The following PPM1A variants were observed in gnomAD, a reference collection of about 807,000 sequenced individuals.
The protein encoded by PPM1A is protein phosphatase, Mg2+/Mn2+ dependent 1A, also known as protein phosphatase 1A.
In PPM1A, 7 loss-of-function variants were observed where a neutral mutation model predicts 35.0. That is an observed-to-expected ratio of 0.20 (90% CI 0.11 to 0.38). The LOEUF is 0.38. PPM1A is among the 10% of genes least tolerant of loss of function. PPM1A has a pLI of 1.00. For synonymous variants in PPM1A, 153 were observed against 167.3 expected (o/e 0.91, Z 0.66); for missense variants, 239 against 467.8 (o/e 0.51, Z 4.51).
chr14:60,292,367 A>G lies in PPM1A; in HGVS notation c.1120-86A>G, dbSNP rs372815265. The stretch of plus-strand genomic sequence containing the variant: ...CTAAAAGTCATCTTTACAGAACATT[A>G]TCTTTCTCCATTATCCAGAAAGTAT... On this transcript the variant is annotated intron_variant, in intron 5 of 5. Coordinates refer to ENST00000395076, the MANE Select transcript of PPM1A (RefSeq NM_021003.5). This position sits in a 1 kb window ranked among gnomAD's most constrained non-coding sequence, Gnocchi z 4.2. 4 of 998,418 alleles carry G rather than the reference A, an allele frequency of 4.0e-6. No individual in the cohort carries two copies. Among genetic ancestry groups the G allele is most frequent in the Middle Eastern group, 2.1e-4 (1 of 4,780 alleles). 61.8% of individuals were successfully genotyped at this position (998,418 alleles called of 1,614,324 possible).
intron 1 of PPM1A, among the ~76,000 whole-genome samples, chr14:60,263,595 G>A (rs145321091): frequency 1.6e-4 from 25 of 152,054 alleles, no homozygotes; most frequent in Non-Finnish European, 2.6e-4. Context: ...GTGGAGGTTG[G>A]GCTTCTAGTG....
chr14:60,263,025 C>T (rs1461720205), intron 1 of PPM1A, among the ~76,000 whole-genome samples: 13 of 152,120 alleles, frequency 8.5e-5, no homozygotes, highest in East Asian at 3.9e-4. Context: ...AAGACCAGCC[C>T]GGCCAACATG....
At chr14:60,252,336 C>T (rs1882527344) in intron 1 of PPM1A, among the ~76,000 whole-genome samples, 1 of 152,152 alleles carries the variant, frequency 6.6e-6, no homozygotes, top group African/African-American at 2.4e-5. Flanking sequence ...TTTTGATGAT[C>T]CTCTCAAATG....
chr14:60,280,588 G>A (rs1886295820), intron 1 of PPM1A, among the ~76,000 whole-genome samples: 2 of 152,044 alleles, frequency 1.3e-5, no homozygotes. Flanking sequence ...TCTTTCCTCT[G>A]TAAAACTTCA....
chr14:60,255,590 G>A (rs2139343958), intron 1 of PPM1A, among the ~76,000 whole-genome samples: 1 of 152,332 alleles, frequency 6.6e-6, no homozygotes, highest in South Asian at 2.1e-4. Context: ...GTGCTTTATG[G>A]ATAGTAGACA....
chr14:60,282,612 T>A lies in PPM1A; in HGVS notation c.-20-72T>A. 2 of 1,522,040 alleles carry A rather than the reference T, an allele frequency of 1.3e-6. No homozygotes were observed. Among genetic ancestry groups the A allele is most frequent in the Non-Finnish European group, 1.8e-6 (2 of 1,127,974 alleles). The allele number at this position is 1,522,040 out of a possible 1,614,324, so 94.3% of individuals were successfully genotyped here. On this transcript the variant is annotated intron_variant, in intron 1 of 5. Transcript: ENST00000395076. This position sits in a 1 kb window ranked among gnomAD's most constrained non-coding sequence, Gnocchi z 5.1. ...AATTCCCGCATATCTCTTTCACTTA[T>A]TAAAAAGATTGTTTGGTACATATTT...
chr14:60,293,835 T>C lies in PPM1A; in HGVS notation c.*1353T>C, dbSNP rs1233572792. ...ATAACTTTCAAAGCTTAAGGAATTG[T>C]AGATATAAAAATAACCTAATTTAAT... On this transcript the variant is annotated 3_prime_UTR_variant, in exon 6 of 6. Transcript: ENST00000395076. This position sits in a 1 kb window ranked among gnomAD's most constrained non-coding sequence, Gnocchi z 4.0. 2.0e-5 allele frequency: 3 copies of C among 152,004 alleles called. No individual in the cohort carries two copies. The highest frequency in any genetic ancestry group is 7.2e-5 in the African/African-American group (3 of 41,430). The allele number at this position is 152,004 out of a possible 1,614,324, so 9.4% of individuals were successfully genotyped here.
chr14:60,250,520 T>C (rs1882258983), intron 1 of PPM1A: 1 of 746,106 alleles, frequency 1.3e-6, no homozygotes, highest in Non-Finnish European at 1.6e-6. Context: ...ATGGTACAAA[T>C]CCACAAAAGT....
Position 60,273,404 on chromosome 14 carries a change from C to T in PPM1A, c.-20-9280C>T, listed in dbSNP as rs974162199. On this transcript the variant is annotated intron_variant, in intron 1 of 5. Coordinates refer to ENST00000395076, the MANE Select transcript of PPM1A (RefSeq NM_021003.5). The surrounding 1 kb of genome is among the most constrained non-coding windows in gnomAD (Gnocchi z 4.3). ...GAGTACTAGGTACTGTAAGAAAACC[C>T]TTGTGGTTGGAGTAGAGAATGTAGG... is the stretch of plus-strand genomic sequence containing the variant. Among the ~76,000 whole-genome samples, 2 of 151,994 alleles carry T rather than the reference C, an allele frequency of 1.3e-5. No homozygotes were observed. The highest frequency in any genetic ancestry group is 2.4e-5 in the African/African-American group (1 of 41,358).
chr14:60,249,060 G>A (rs941685577), upstream of PPM1A, among the ~76,000 whole-genome samples: 1 of 151,922 alleles, frequency 6.6e-6, no homozygotes, highest in Admixed American at 6.5e-5. This position sits in a 1 kb window ranked among gnomAD's most constrained non-coding sequence, Gnocchi z 4.5. Context: ...CCCCTCCCCC[G>A]CCCGCCAGCC....
At position 60,263,579 on chromosome 14, in the gene PPM1A, A is replaced by T. The variant is rs1028068050; in HGVS notation, c.-21+13902A>T. 2.6e-5 allele frequency among the ~76,000 whole-genome samples: 4 copies of T among 152,158 alleles called. No individual in the cohort carries two copies. In the East Asian group the frequency reaches 7.7e-4, roughly 29 times the overall value. Reference sequence around the variant, plus strand: ...TGCTTGTTACATGGATATAGCATGTATAATGGTGGAGGTTGGGCTTCTAGT... The same window carrying T: ...TGCTTGTTACATGGATATAGCATGTTTAATGGTGGAGGTTGGGCTTCTAGT... On this transcript the variant is annotated intron_variant, in intron 1 of 5. Coordinates refer to ENST00000395076, the MANE Select transcript of PPM1A (RefSeq NM_021003.5).
chr14:60,278,700 A>G (rs1886047772), intron 1 of PPM1A, among the ~76,000 whole-genome samples: 1 of 152,222 alleles, frequency 6.6e-6, no homozygotes, highest in Non-Finnish European at 1.5e-5. Context: ...CCACTATTCT[A>G]AAGTTTGTCT....
intron 1 of PPM1A, among the ~76,000 whole-genome samples, chr14:60,262,147 CA>C (rs1883814867): frequency 1.3e-5 from 2 of 151,772 alleles, no homozygotes; most frequent in South Asian, 4.2e-4. Flanking sequence ...TAGTAGAAAC[CA>C]AGTTTACAAA....
intron 3 of PPM1A, chr14:60,286,542 T>A (rs1887033309): frequency 1.0e-6 from 1 of 985,148 alleles, no homozygotes; most frequent in Non-Finnish European, 1.2e-6. Flanking sequence ...AAAAAAATTT[T>A]AAAAATAGCG....
At position 60,249,383 on chromosome 14, in the gene PPM1A, G is replaced by T; in HGVS notation, c.-315G>T. ...GGGGGGGGTGGGGGGACTCTAGACA[G>T]CTGAGGCGCGAAAGCGATGAGTCCT... On this transcript the variant is annotated 5_prime_UTR_variant, in exon 1 of 6. Transcript: ENST00000395076. This position sits in a 1 kb window ranked among gnomAD's most constrained non-coding sequence, Gnocchi z 4.5. 1.0e-6 allele frequency: 1 copy of T among 984,536 alleles called. No homozygotes were observed. Among genetic ancestry groups the T allele is most frequent in the Non-Finnish European group, 1.2e-6 (1 of 829,644 alleles). The allele number at this position is 984,536 out of a possible 1,614,324, so 61.0% of individuals were successfully genotyped here.
chr14:60,296,773 G>A lies in PPM1A; in HGVS notation c.*4291G>A, dbSNP rs75933037. ...TCAGAATAATAAGTCTCAGTTAAATGTTTGTTATTACTGATAGTCAAAATG... is the reference window on the plus strand; with the variant it reads ...TCAGAATAATAAGTCTCAGTTAAATATTTGTTATTACTGATAGTCAAAATG... On this transcript the variant is annotated 3_prime_UTR_variant, in exon 6 of 6. Transcript: ENST00000395076. The surrounding 1 kb of genome is among the most constrained non-coding windows in gnomAD (Gnocchi z 4.4). 3,690 of 338,288 alleles carry A rather than the reference G, an allele frequency of 0.011. 94 individuals carry two copies. Among genetic ancestry groups the A allele is most frequent in the East Asian group, 0.07 (1,816 of 25,774 alleles). 21.0% of individuals were successfully genotyped at this position (338,288 alleles called of 1,614,324 possible).
intron 1 of PPM1A, among the ~76,000 whole-genome samples, chr14:60,266,263 G>A (rs910488348): frequency 6.6e-6 from 1 of 151,968 alleles, no homozygotes; most frequent in Admixed American, 6.6e-5. Context: ...TAAAATAGCT[G>A]TTTGTATATT....
upstream of PPM1A, chr14:60,245,835 A>C: frequency 6.4e-7 from 1 of 1,569,342 alleles, no homozygotes; most frequent in Non-Finnish European, 8.6e-7. The surrounding 1 kb of genome is among the most constrained non-coding windows in gnomAD (Gnocchi z 4.2). Context: ...ATTTAGGGGC[A>C]CTGTCTGCTC....
intron 1 of PPM1A, among the ~76,000 whole-genome samples, chr14:60,264,824 T>C (rs1444131569): frequency 6.6e-6 from 1 of 152,232 alleles, no homozygotes; most frequent in South Asian, 2.1e-4. Flanking sequence ...ATTCAGGCTG[T>C]CTCTCTAATA....
Sources: allele counts gnomAD v4.1 joint callset (sites outside exome capture counted in the v4.1 genomes callset), GRCh38; gene constraint gnomAD v4.1.1; non-coding constraint Gnocchi (gnomAD v3.1); transcripts MANE v1.5; gene names NCBI Gene and HGNC (gene_info 2026-07-23, HGNC 2026-07-21).